ERGIC2: variants seen among roughly 807,000 people sequenced by gnomAD.
The protein encoded by ERGIC2 is endoplasmic reticulum-Golgi intermediate compartment protein 2.
In ERGIC2, 31 loss-of-function variants were observed where a neutral mutation model predicts 52.5. That is an observed-to-expected ratio of 0.59 (90% CI 0.44 to 0.80). The LOEUF (loss-of-function observed/expected upper bound fraction) is 0.80. ERGIC2 is among the 30% of genes least tolerant of loss of function. The probability of loss-of-function intolerance (pLI) is 0.00; values close to 1 mark genes in which losing one functional copy is unlikely to be tolerated. For missense variants in ERGIC2, 395 were observed against 455.2 expected (o/e 0.87, Z 1.20); for synonymous variants, 129 against 140.6 (o/e 0.92, Z 0.58).
At chr12:29,369,015 T>G (rs1441836470) in intron 3 of ERGIC2, among the ~76,000 whole-genome samples, 5 of 151,928 alleles carry the variant, frequency 3.3e-5, no homozygotes, top group Non-Finnish European at 7.4e-5. Flanking sequence ...TCAAATTCAG[T>G]CCTGTGCTTT....
chr12:29,373,129 A>G (rs1490368147), intron 1 of ERGIC2, among the ~76,000 whole-genome samples: 8 of 152,182 alleles, frequency 5.3e-5, no homozygotes, highest in Admixed American at 5.2e-4. Flanking sequence ...TGTTAAAAGT[A>G]GATCATGAAT....
intron 1 of ERGIC2, among the ~76,000 whole-genome samples, chr12:29,376,581 C>G (rs1940517870): frequency 6.6e-6 from 1 of 152,160 alleles, no homozygotes; most frequent in Non-Finnish European, 1.5e-5. Flanking sequence ...ACTGTTCCAC[C>G]TCTAAAATCC....
At chr12:29,342,014 A>C in intron 12 of ERGIC2, 198 bp from the exon 13 acceptor site, 28 of 420,934 alleles carry the variant, frequency 6.7e-5, no homozygotes, top group Middle Eastern at 6.9e-4. Flanking sequence ...TCACGATCTC[A>C]GCACAATCTT....
In ERGIC2 at chr12:29,337,500, T is replaced by C. The variant is rs938843657; in HGVS notation, c.*3656A>G. 6.6e-6 allele frequency: 1 copy of C among 152,024 alleles called. No homozygotes were observed. Among genetic ancestry groups the C allele is most frequent in the African/African-American group, 2.4e-5 (1 of 41,382 alleles). The allele number at this position is 152,024 out of a possible 1,614,324, so 9.4% of individuals were successfully genotyped here. ...ATTTCATCAGTAATATTTCAGAAAG[T>C]AGAAAAAAACTATGCTTTGATTGCA... On this transcript the variant is annotated 3_prime_UTR_variant, in exon 14 of 14. Transcript: ENST00000360150.
At chr12:29,356,968 C>CT (rs1004018120) in intron 7 of ERGIC2, among the ~76,000 whole-genome samples, 100 of 145,806 alleles carry the variant, frequency 6.9e-4, no homozygotes, top group East Asian at 1.0e-3. Flanking sequence ...ATCCACGAAT[C>CT]TTTTTTTTTT....
At chr12:29,361,521 C>T (rs538097067) in intron 6 of ERGIC2, 124 bp downstream of exon 6, 1 of 610,296 alleles carries the variant, frequency 1.6e-6, no homozygotes, top group Non-Finnish European at 2.6e-6. Flanking sequence ...ATATTATATA[C>T]CAAATTCTGC....
At chr12:29,363,799 GA>G (rs1246364252) in intron 5 of ERGIC2, among the ~76,000 whole-genome samples, 15 of 135,746 alleles carry the variant, frequency 1.1e-4, no homozygotes, top group South Asian at 9.3e-4. Flanking sequence ...GATGTAGGGG[GA>G]AAAAAAAAGA....
At chr12:29,347,702 A>G (rs1460207376) in intron 10 of ERGIC2, among the ~76,000 whole-genome samples, 2 of 152,206 alleles carry the variant, frequency 1.3e-5, no homozygotes, top group Admixed American at 1.3e-4. Flanking sequence ...AGGGATAGCT[A>G]CCTGACATAG....
intron 5 of ERGIC2, among the ~76,000 whole-genome samples, chr12:29,366,349 A>G (rs1021569869): frequency 2.0e-5 from 3 of 151,970 alleles, no homozygotes; most frequent in Admixed American, 6.6e-5. Flanking sequence ...TAATAAGAAA[A>G]TGTCAGCATT....
intron 8 of ERGIC2, among the ~76,000 whole-genome samples, chr12:29,353,765 A>C (rs939153202): frequency 1.5e-4 from 22 of 151,536 alleles, no homozygotes; most frequent in Non-Finnish European, 2.9e-4. Flanking sequence ...TCATTTTATG[A>C]AGTAACAGCA....
At chr12:29,369,255 G>GA (rs1311055248) in intron 3 of ERGIC2, among the ~76,000 whole-genome samples, 1 of 151,618 alleles carries the variant, frequency 6.6e-6, no homozygotes, top group African/African-American at 2.4e-5. Flanking sequence ...ACTTCATTTG[G>GA]AAAAAAATGA....
intron 4 of ERGIC2, 143 bp from the exon 5 acceptor site, chr12:29,367,090 C>A: frequency 6.5e-6 from 3 of 461,396 alleles, no homozygotes; most frequent in Non-Finnish European, 1.1e-5. Flanking sequence ...GAATAATTTC[C>A]GATATATTTG....
chr12:29,338,816 G>C lies in ERGIC2; in HGVS notation c.*2340C>G, dbSNP rs1001446756. On this transcript the variant is annotated 3_prime_UTR_variant, in exon 14 of 14. Coordinates refer to ENST00000360150, the MANE Select transcript of ERGIC2 (RefSeq NM_016570.3). Reference sequence around the variant, plus strand: ...TAAAAATCCATTTCATATAATTTGAGATCTCATTTTTAAATATGTAGTCTG... The same window carrying C: ...TAAAAATCCATTTCATATAATTTGACATCTCATTTTTAAATATGTAGTCTG... The C allele has an allele frequency of 6.6e-6, 1 of 152,050 alleles. No homozygotes were observed. Among genetic ancestry groups the C allele is most frequent in the Non-Finnish European group, 1.5e-5 (1 of 67,998 alleles). 9.4% of individuals were successfully genotyped at this position (152,050 alleles called of 1,614,324 possible).
chr12:29,352,803 T>A lies in ERGIC2; in HGVS notation c.573-2735A>T, dbSNP rs534403453. ...ACTGCAGTAAACCTTTGTTCTGTTA[T>A]ACACTGTTATCTTTCAAATTTAACC... On this transcript the variant is annotated intron_variant, in intron 8 of 13. Transcript: ENST00000360150. 5.3e-5 allele frequency among the ~76,000 whole-genome samples: 8 copies of A among 151,874 alleles called. No individual in the cohort carries two copies. In the East Asian group the frequency reaches 9.7e-4, roughly 18 times the overall value.
chr12:29,361,535 G>C, intron 6 of ERGIC2, 110 bp downstream of exon 6: 1 of 738,616 alleles, frequency 1.4e-6, no homozygotes, highest in Non-Finnish European at 2.1e-6. Flanking sequence ...ATTCTGCTAA[G>C]AATTCATCCA....
intron 8 of ERGIC2, among the ~76,000 whole-genome samples, chr12:29,355,473 A>T (rs1168441564): frequency 1.3e-5 from 2 of 152,156 alleles, no homozygotes; most frequent in Non-Finnish European, 2.9e-5. Flanking sequence ...TACAATAAAG[A>T]ATTGTTCAGT....
In ERGIC2 at chr12:29,364,314, C is replaced by T. The variant is rs562522963; in HGVS notation, c.333+2563G>A. Among the ~76,000 whole-genome samples, 3 of 152,254 alleles carry T rather than the reference C, an allele frequency of 2.0e-5. No homozygotes were observed. In the South Asian group the frequency reaches 6.2e-4, roughly 32 times the overall value. Reference sequence around the variant, plus strand: ...CAGAAATCAAGCTGCACACCTGCAGCCATTTGATCTTTGACAAAATCAACA... The same window carrying T: ...CAGAAATCAAGCTGCACACCTGCAGTCATTTGATCTTTGACAAAATCAACA... On this transcript the variant is annotated intron_variant, in intron 5 of 13. Coordinates refer to ENST00000360150, the MANE Select transcript of ERGIC2 (RefSeq NM_016570.3).
At chr12:29,376,721 C>T (rs1485355981) in intron 1 of ERGIC2, among the ~76,000 whole-genome samples, 1 of 152,150 alleles carries the variant, frequency 6.6e-6, no homozygotes, top group Admixed American at 6.5e-5. Context: ...TTGCTCCATT[C>T]CCACTCTATT....
chr12:29,362,548 G>C (rs1334498248), intron 5 of ERGIC2, among the ~76,000 whole-genome samples: 2 of 151,210 alleles, frequency 1.3e-5, no homozygotes, highest in Non-Finnish European at 2.9e-5. Flanking sequence ...AGTGAGCAGA[G>C]ATCTTGCCAA....
Sources: allele counts gnomAD v4.1 joint callset (sites outside exome capture counted in the v4.1 genomes callset), GRCh38; gene constraint gnomAD v4.1.1; transcripts MANE v1.5; gene names NCBI Gene and HGNC (gene_info 2026-07-23, HGNC 2026-07-21).